SDK1: variants seen among roughly 807,000 people sequenced by gnomAD.
SDK1 encodes the protein protein sidekick-1.
SDK1 carries 157 observed loss-of-function variants against 245.5 expected under a neutral mutation model. The observed-to-expected ratio is 0.64, with a 90% CI of 0.56 to 0.73. The LOEUF (loss-of-function observed/expected upper bound fraction) is 0.73, where lower values mean the gene tolerates loss of function less well. Ranked by LOEUF, SDK1 falls within the 30% of genes least tolerant of loss-of-function variation. The pLI is 0.00. For synonymous variants in SDK1, 1,647 were observed against 1,278.5 expected (o/e 1.29, Z -6.15); for missense variants, 3,583 against 3,002.3 (o/e 1.19, Z -4.52).
chr7:3,646,914 G>A (rs1361924723), intron 4 of SDK1, among the ~76,000 whole-genome samples: 1 of 152,186 alleles, frequency 6.6e-6, no homozygotes, highest in Non-Finnish European at 1.5e-5. Flanking sequence ...AATTCATAGA[G>A]ACAGAAAGCA....
rs77763711 is a variant in SDK1 at position 4,117,714 on chromosome 7, G to A, written c.3823+3440G>A. Reference sequence around the variant, plus strand: ...CCCAGCACACTGTGGGCACCAGCACGCATCCAGTGTGTCTGCAGGTGCCAC... The same window carrying A: ...CCCAGCACACTGTGGGCACCAGCACACATCCAGTGTGTCTGCAGGTGCCAC... On this transcript the variant is annotated intron_variant, in intron 25 of 44. Transcript: ENST00000404826. Among the ~76,000 whole-genome samples, 1,513 of 152,266 alleles carry A rather than the reference G, an allele frequency of 9.9e-3. 30 individuals carry two copies. The highest frequency in any genetic ancestry group is 0.081 in the South Asian group (392 of 4,822).
At chr7:3,347,483 C>G (rs193121813) in intron 1 of SDK1, among the ~76,000 whole-genome samples, 3 of 152,274 alleles carry the variant, frequency 2.0e-5, no homozygotes, top group Admixed American at 2.0e-4. Context: ...TTACTACAGT[C>G]AAGGCTCCAG....
At chr7:3,828,343 A>C (rs1237740125) in intron 5 of SDK1, among the ~76,000 whole-genome samples, 2 of 151,964 alleles carry the variant, frequency 1.3e-5, no homozygotes, top group African/African-American at 2.4e-5. Context: ...CTTAGAAGGA[A>C]TTTAAAAAAT....
At chr7:3,578,621 C>T (rs930273540) in intron 1 of SDK1, among the ~76,000 whole-genome samples, 3 of 151,752 alleles carry the variant, frequency 2.0e-5, no homozygotes, top group African/African-American at 7.3e-5. Flanking sequence ...TTATAGACCA[C>T]CCCCCAGGAA....
chr7:3,408,479 A>G (rs578200891), intron 1 of SDK1, among the ~76,000 whole-genome samples: 2 of 152,336 alleles, frequency 1.3e-5, no homozygotes, highest in South Asian at 2.1e-4. Flanking sequence ...ACTGGTTATT[A>G]TTTCTAAAGG....
intron 1 of SDK1, among the ~76,000 whole-genome samples, chr7:3,574,554 C>G (rs1394226841): frequency 6.6e-6 from 1 of 152,030 alleles, no homozygotes; most frequent in Non-Finnish European, 1.5e-5. Context: ...AACTCCTGGC[C>G]TCCCCACTAT....
intron 9 of SDK1, among the ~76,000 whole-genome samples, chr7:3,964,018 C>T (rs1445617301): frequency 3.3e-5 from 5 of 152,368 alleles, no homozygotes; most frequent in Middle Eastern, 3.4e-3. Flanking sequence ...AGTGGGTACA[C>T]CTTGGCCCAC....
chr7:3,342,542 C>G lies in SDK1; in HGVS notation c.298+40658C>G, dbSNP rs369323397. ...GGTGGAGGTTGCGGTGAGCCGAGAT[C>G]GCATCGTTGCACTCCAGCCTAGGCA... On this transcript the variant is annotated intron_variant, in intron 1 of 44. Coordinates refer to ENST00000404826, the MANE Select transcript of SDK1 (RefSeq NM_152744.4). 3.3e-5 allele frequency among the ~76,000 whole-genome samples: 5 copies of G among 151,766 alleles called. No individual in the cohort carries two copies. The South Asian group carries it at 8.3e-4, about 25-fold the overall frequency.
chr7:3,398,410 T>A (rs577904838), intron 1 of SDK1, among the ~76,000 whole-genome samples: 1 of 152,058 alleles, frequency 6.6e-6, no homozygotes, highest in Non-Finnish European at 1.5e-5. Context: ...CAGAAGAGTT[T>A]CTTAGCATTT....
At chr7:3,671,670 A>T (rs970401356) in intron 4 of SDK1, among the ~76,000 whole-genome samples, 9 of 152,218 alleles carry the variant, frequency 5.9e-5, no homozygotes, top group African/African-American at 1.7e-4. Context: ...TTAACTAATC[A>T]AACACTTTTC....
chr7:4,157,248 G>A (rs1005776679), intron 30 of SDK1, among the ~76,000 whole-genome samples: 2 of 149,028 alleles, frequency 1.3e-5, no homozygotes, highest in Non-Finnish European at 2.9e-5. Flanking sequence ...GTAGCTGGAC[G>A]GACGGACGGA....
chr7:3,757,228 G>T (rs1201464304), intron 4 of SDK1, among the ~76,000 whole-genome samples: 2 of 151,996 alleles, frequency 1.3e-5, no homozygotes, highest in Non-Finnish European at 1.5e-5. Context: ...CCCTCCTTGG[G>T]CTCAGTAACT....
intron 1 of SDK1, among the ~76,000 whole-genome samples, chr7:3,491,729 C>T (rs760067686): frequency 2.6e-5 from 4 of 152,112 alleles, no homozygotes; most frequent in Admixed American, 6.6e-5. Flanking sequence ...GAAGGTAACC[C>T]GAGTGTTACG....
chr7:3,949,996 G>A (rs972343069), intron 5 of SDK1, among the ~76,000 whole-genome samples: 1 of 152,192 alleles, frequency 6.6e-6, no homozygotes, highest in Non-Finnish European at 1.5e-5. Flanking sequence ...AATATTTGTG[G>A]AATTGAACAG....
At chr7:3,968,160 T>C (rs750038009) in intron 10 of SDK1, among the ~76,000 whole-genome samples, 35 of 152,228 alleles carry the variant, frequency 2.3e-4, no homozygotes, top group Non-Finnish European at 4.4e-4. Context: ...ATCACGGCCT[T>C]TGTTTTGTTG....
At chr7:3,423,310 C>T (rs866986970) in intron 1 of SDK1, among the ~76,000 whole-genome samples, 8 of 152,222 alleles carry the variant, frequency 5.3e-5, no homozygotes, top group South Asian at 4.1e-4. Flanking sequence ...AATTTTCTGT[C>T]TTAGGAGGAG....
chr7:3,588,101 T>G (rs1468843906), intron 1 of SDK1, among the ~76,000 whole-genome samples: 1 of 152,222 alleles, frequency 6.6e-6, no homozygotes, highest in African/African-American at 2.4e-5. Context: ...CTACGAGCCC[T>G]GTATTCTGCC....
intron 1 of SDK1, among the ~76,000 whole-genome samples, chr7:3,543,069 A>C (rs753171936): frequency 6.6e-6 from 1 of 152,202 alleles, no homozygotes; most frequent in Non-Finnish European, 1.5e-5. Context: ...GCTTAGGCAT[A>C]ATTCCTATTT....
chr7:3,709,870 C>G (rs1380592281), intron 4 of SDK1, among the ~76,000 whole-genome samples: 1 of 152,132 alleles, frequency 6.6e-6, no homozygotes, highest in Non-Finnish European at 1.5e-5. Context: ...TCATCAAGGC[C>G]CACACAGGGG....
Sources: allele counts gnomAD v4.1 joint callset (sites outside exome capture counted in the v4.1 genomes callset), GRCh38; gene constraint gnomAD v4.1.1; transcripts MANE v1.5; gene names NCBI Gene and HGNC (gene_info 2026-07-23, HGNC 2026-07-21).